Variants in TMEFF2 observed in about 807,000 individuals in gnomAD.
The protein encoded by TMEFF2 is transmembrane protein with EGF like and two follistatin like domains 2.
Under a neutral mutation model 53.8 loss-of-function variants are expected in TMEFF2, and 28 were observed. The observed-to-expected ratio is 0.52, with a 90% CI of 0.39 to 0.71. TMEFF2 has a LOEUF of 0.71. Ranked by LOEUF, TMEFF2 falls within the 30% of genes least tolerant of loss-of-function variation. TMEFF2 has a pLI of 0.00. For missense variants in TMEFF2, 353 were observed against 455.2 expected (o/e 0.78, Z 2.04); for synonymous variants, 162 against 166.3 (o/e 0.97, Z 0.20).
chr2:192,159,130 T>C (rs1690575174), intron 4 of TMEFF2, among the ~76,000 whole-genome samples: 1 of 152,164 alleles, frequency 6.6e-6, no homozygotes, highest in Admixed American at 6.6e-5. Flanking sequence ...ATAATAAATA[T>C]TTGATGACTC....
At chr2:192,012,054 C>A (rs1037817877) in intron 5 of TMEFF2, among the ~76,000 whole-genome samples, 1 of 151,836 alleles carries the variant, frequency 6.6e-6, no homozygotes, top group Non-Finnish European at 1.5e-5. Flanking sequence ...GCCCGGCCCA[C>A]CACCAGGCCC....
At chr2:191,979,095 G>A (rs755917943) in intron 7 of TMEFF2, among the ~76,000 whole-genome samples, 28 of 152,258 alleles carry the variant, frequency 1.8e-4, no homozygotes, top group East Asian at 5.8e-4. Flanking sequence ...AGGATTTACC[G>A]GAGAAATGTT....
intron 4 of TMEFF2, among the ~76,000 whole-genome samples, chr2:192,110,889 C>T (rs1574381752): frequency 6.6e-6 from 1 of 152,200 alleles, no homozygotes; most frequent in East Asian, 1.9e-4. Flanking sequence ...TCTCATGGTA[C>T]TGAATAAGTC....
intron 7 of TMEFF2, among the ~76,000 whole-genome samples, chr2:191,982,504 C>CAAAAAAAAAAAAAAAAAAAA (rs10678696): frequency 7.2e-6 from 1 of 138,664 alleles, no homozygotes; most frequent in African/African-American, 2.7e-5. Context: ...TGAAAACAGG[C>CAAAAAAAAAAAAAAAAAAAA]AAAAAAAAAA....
At chr2:192,173,265 C>T (rs577069823) in intron 4 of TMEFF2, among the ~76,000 whole-genome samples, 1 of 151,826 alleles carries the variant, frequency 6.6e-6, no homozygotes, top group Admixed American at 6.6e-5. Context: ...CAAATATGTA[C>T]AACTATTATG....
Position 191,956,130 on chromosome 2 carries a change from G to A in TMEFF2, c.869+125C>T, listed in dbSNP as rs75272162. The A allele has an allele frequency of 2.8e-3, 2,823 of 1,002,152 alleles. 56 individuals are homozygous for A. The African/African-American group carries it at 0.041, about 15-fold the overall frequency. The allele number at this position is 1,002,152 out of a possible 1,614,324, so 62.1% of individuals were successfully genotyped here. ...TGTGTATGCATGCACAGGAGGAGCA[G>A]AGAAAAGTTTTGTTGCTGATTACCC... On this transcript the variant is annotated intron_variant, in intron 8 of 9. Coordinates refer to ENST00000272771, the MANE Select transcript of TMEFF2 (RefSeq NM_016192.4).
At chr2:192,066,110 C>CT (rs533296807) in intron 4 of TMEFF2, among the ~76,000 whole-genome samples, 3 of 151,406 alleles carry the variant, frequency 2.0e-5, no homozygotes, top group African/African-American at 4.8e-5. Context: ...AAACACTTTC[C>CT]TTTTTTTTCA....
At chr2:192,073,702 A>C (rs568195979) in intron 4 of TMEFF2, among the ~76,000 whole-genome samples, 60 of 152,148 alleles carry the variant, frequency 3.9e-4, no homozygotes, top group Non-Finnish European at 6.8e-4. Context: ...TCTCTGAGGA[A>C]AATACAGAAA....
chr2:192,062,609 T>C (rs1014546034), intron 4 of TMEFF2, among the ~76,000 whole-genome samples: 8 of 152,278 alleles, frequency 5.3e-5, no homozygotes, highest in African/African-American at 1.9e-4. Flanking sequence ...CAGGAATGTT[T>C]AATATATTTT....
At chr2:192,042,553 CAT>C (rs529897514) in intron 5 of TMEFF2, among the ~76,000 whole-genome samples, 81 of 152,240 alleles carry the variant, frequency 5.3e-4, no homozygotes, top group African/African-American at 8.4e-4. Context: ...ATCCCAAAAA[CAT>C]GTGTAGGAAT....
intron 4 of TMEFF2, among the ~76,000 whole-genome samples, chr2:192,119,050 T>C (rs998961923): frequency 6.6e-6 from 1 of 152,178 alleles, no homozygotes; most frequent in African/African-American, 2.4e-5. Context: ...TAATCTCTGC[T>C]TTTGTTTCTA....
intron 4 of TMEFF2, among the ~76,000 whole-genome samples, chr2:192,141,102 G>A (rs1290025075): frequency 6.6e-6 from 1 of 152,084 alleles, no homozygotes; most frequent in Non-Finnish European, 1.5e-5. Context: ...TGTCCTCTAA[G>A]AACCGAGAGG....
chr2:191,988,820 TC>T (rs1686038814), intron 7 of TMEFF2, among the ~76,000 whole-genome samples: 1 of 151,880 alleles, frequency 6.6e-6, no homozygotes, highest in African/African-American at 2.4e-5. Flanking sequence ...TTTTTGAAAA[TC>T]ATGTGAAATA....
chr2:192,099,960 A>G (rs1238961218), intron 4 of TMEFF2, among the ~76,000 whole-genome samples: 2 of 152,144 alleles, frequency 1.3e-5, no homozygotes, highest in Non-Finnish European at 2.9e-5. Context: ...TTGGCCAGAA[A>G]AGTTATTGAC....
In TMEFF2 at chr2:191,950,198, T is replaced by G. The variant is rs1183201015; in HGVS notation, c.*113A>C. The stretch of plus-strand genomic sequence containing the variant: ...AGTACATGTTTTCATTGGTGTAGAT[T>G]ACCACAAATGCAAGGCAACATGTGT... On this transcript the variant is annotated 3_prime_UTR_variant, in exon 10 of 10. Coordinates refer to ENST00000272771, the MANE Select transcript of TMEFF2 (RefSeq NM_016192.4). 2.0e-6 allele frequency: 3 copies of G among 1,531,160 alleles called. No individual in the cohort carries two copies. Among genetic ancestry groups the G allele is most frequent in the African/African-American group, 2.8e-5 (2 of 72,540 alleles). 94.8% of individuals were successfully genotyped at this position (1,531,160 alleles called of 1,614,324 possible). A position where few individuals can be genotyped will look rare whatever the true frequency, so the allele number is the denominator to read the frequency against.
chr2:192,135,938 C>T (rs1446805017), intron 4 of TMEFF2, among the ~76,000 whole-genome samples: 1 of 151,736 alleles, frequency 6.6e-6, no homozygotes, highest in Non-Finnish European at 1.5e-5. Flanking sequence ...GAGAACAACC[C>T]CCTTTGACTG....
chr2:192,145,243 AAAAT>A, intron 4 of TMEFF2, among the ~76,000 whole-genome samples: 1 of 151,974 alleles, frequency 6.6e-6, no homozygotes, highest in Non-Finnish European at 1.5e-5. Context: ...TTATCATTAG[AAAAT>A]ACATACTTGT....
chr2:192,114,006 T>C (rs939470896), intron 4 of TMEFF2, among the ~76,000 whole-genome samples: 1 of 151,904 alleles, frequency 6.6e-6, no homozygotes, highest in African/African-American at 2.4e-5. Flanking sequence ...AAAACCGATA[T>C]GGGTTTCTAC....
In TMEFF2 at chr2:192,107,744, C is replaced by G. The variant is rs561770623; in HGVS notation, c.440-49969G>C. On this transcript the variant is annotated intron_variant, in intron 4 of 9. Coordinates refer to ENST00000272771, the MANE Select transcript of TMEFF2 (RefSeq NM_016192.4). ...TATAATAATTCAAGTGTTTTCTCCA[C>G]GTATGGCAATGTGAGTATATACACT... is the stretch of plus-strand genomic sequence containing the variant. Among the ~76,000 whole-genome samples, 62 of 151,632 alleles carry G rather than the reference C, an allele frequency of 4.1e-4. 1 individual carries two copies. The highest frequency in any genetic ancestry group is 1.1e-3 in the Admixed American group (17 of 15,178).
Sources: allele counts gnomAD v4.1 joint callset (sites outside exome capture counted in the v4.1 genomes callset), GRCh38; gene constraint gnomAD v4.1.1; transcripts MANE v1.5; gene names NCBI Gene and HGNC (gene_info 2026-07-23, HGNC 2026-07-21).